The following ITGA4 variants were observed in gnomAD, a reference collection of about 807,000 sequenced individuals.
The protein encoded by ITGA4 is integrin alpha-4.
ITGA4 carries 63 observed loss-of-function variants against 133.6 expected under a neutral mutation model. The observed-to-expected ratio is 0.47, with a 90% CI of 0.38 to 0.58. The LOEUF is 0.58. ITGA4 is among the 20% of genes least tolerant of loss of function. The pLI is 0.00. For missense variants in ITGA4, 1,076 were observed against 1,252.7 expected (o/e 0.86, Z 2.13); for synonymous variants, 483 against 438.0 (o/e 1.10, Z -1.28).
chr2:181,495,506 C>T lies in ITGA4; in HGVS notation c.1385+90C>T, dbSNP rs1321320382. 1 of 924,776 alleles carries T rather than the reference C, an allele frequency of 1.1e-6. No individual in the cohort carries two copies. The highest frequency in any genetic ancestry group is 1.8e-6 in the Non-Finnish European group (1 of 561,218). The allele number at this position is 924,776 out of a possible 1,614,324, so 57.3% of individuals were successfully genotyped here. A position where few individuals can be genotyped will look rare whatever the true frequency, so the allele number is the denominator to read the frequency against. On this transcript the variant is annotated intron_variant, in intron 13 of 27. Coordinates refer to ENST00000397033, the MANE Select transcript of ITGA4 (RefSeq NM_000885.6). This position sits in a 1 kb window ranked among gnomAD's most constrained non-coding sequence, Gnocchi z 4.3. ...TGTTTAAAATCAGCAGTGGTAGTGA[C>T]CTCATGATGCTCTTTTGGTATTCTG...
chr2:181,514,039 C>A (rs1686558258), intron 17 of ITGA4, among the ~76,000 whole-genome samples: 1 of 152,048 alleles, frequency 6.6e-6, no homozygotes, highest in African/African-American at 2.4e-5. Context: ...GGAACAAGAT[C>A]CCAAAAGGGA....
chr2:181,522,897 T>G (rs1686749774), intron 18 of ITGA4, among the ~76,000 whole-genome samples: 1 of 152,212 alleles, frequency 6.6e-6, no homozygotes, highest in Non-Finnish European at 1.5e-5. Flanking sequence ...ACAGTATTTT[T>G]AAAGCATTTT....
Position 181,468,375 on chromosome 2 carries a change from T to C in ITGA4, c.320-6585T>C, listed in dbSNP as rs182670078. The stretch of plus-strand genomic sequence containing the variant: ...TGAGAGTTTGGTGATAATTATGCAG[T>C]AGTACATTCTAGTAAAGGATTTTTT... On this transcript the variant is annotated intron_variant, in intron 2 of 27. Transcript: ENST00000397033. Among the ~76,000 whole-genome samples, 185 of 152,320 alleles carry C rather than the reference T, an allele frequency of 1.2e-3. No individual in the cohort carries two copies. In the East Asian group the frequency reaches 0.03, roughly 25 times the overall value.
chr2:181,496,575 C>A (rs943592079), intron 14 of ITGA4, among the ~76,000 whole-genome samples: 5 of 152,200 alleles, frequency 3.3e-5, no homozygotes, highest in Non-Finnish European at 7.3e-5. Context: ...AGGCAACTCT[C>A]AATTATCTGC....
intron 2 of ITGA4, among the ~76,000 whole-genome samples, chr2:181,470,517 G>A (rs1685522887): frequency 1.3e-5 from 2 of 152,134 alleles, no homozygotes; most frequent in African/African-American, 2.4e-5. Flanking sequence ...GAGCCTCTAA[G>A]AGTGGGGCCC....
Position 181,536,550 on chromosome 2 carries a change from A to AGTATAAGTGTTTACAC in ITGA4, c.*1034_*1035insTACACGTATAAGTGTT. 6.1e-6 allele frequency: 1 copy of AGTATAAGTGTTTACAC among 164,374 alleles called. No homozygotes were observed. Among genetic ancestry groups the AGTATAAGTGTTTACAC allele is most frequent in the Non-Finnish European group, 1.3e-5 (1 of 75,636 alleles). 10.2% of individuals were successfully genotyped at this position (164,374 alleles called of 1,614,324 possible). A position where few individuals can be genotyped will look rare whatever the true frequency, so the allele number is the denominator to read the frequency against. On this transcript the variant is annotated 3_prime_UTR_variant, in exon 28 of 28. Transcript: ENST00000397033. Reference sequence around the variant, plus strand: ...ATGTAATTCTTTGTTACCCTTTACAAGTATAAGTGTTACCTTACATGGAAA... The same window carrying AGTATAAGTGTTTACAC: ...ATGTAATTCTTTGTTACCCTTTACAAGTATAAGTGTTTACACGTATAAGTGTTACCTTACATGGAAA...
At chr2:181,464,116 C>T (rs1022466273) in intron 2 of ITGA4, among the ~76,000 whole-genome samples, 1 of 151,788 alleles carries the variant, frequency 6.6e-6, no homozygotes, top group Non-Finnish European at 1.5e-5. Context: ...AGGGTGAAGC[C>T]AAAGAGGTAG....
Position 181,457,724 on chromosome 2 carries a change from C to A in ITGA4, c.70C>A (p.Leu24Met). ...CGTCCGGGAGACGGTGATGCTGTTG[C>A]TGTGCCTGGGGGTCCCGACCGGCCG... ...AAVRETVMLL[L>M]CLGVPTGRPY... The change falls in exon 1 of 28, where the codon CTG (leucine) becomes ATG (methionine). Residue 24 changes from leucine to methionine, a missense_variant. Leu to Met is a conservative substitution (Grantham distance 15). Coordinates refer to ENST00000397033, the MANE Select transcript of ITGA4 (RefSeq NM_000885.6). 2 of 1,612,856 alleles carry A rather than the reference C, an allele frequency of 1.2e-6. No individual in the cohort carries two copies. The highest frequency in any genetic ancestry group is 1.7e-6 in the Non-Finnish European group (2 of 1,179,764).
rs774641799 is a variant in ITGA4 at position 181,458,334 on chromosome 2, A to AC, written c.319+19dup. The stretch of plus-strand genomic sequence containing the variant: ...TCCAGCTGGGTGAGTTGGGTATGGG[A>AC]CCAGGAGTTAGTGACCTCCCGACCC... On this transcript the variant is annotated intron_variant, in intron 2 of 27. Transcript: ENST00000397033. The AC allele has an allele frequency of 1.9e-6, 3 of 1,606,918 alleles. No homozygotes were observed. Among genetic ancestry groups the AC allele is most frequent in the East Asian group, 2.2e-5 (1 of 44,642 alleles).
At chr2:181,483,282 A>G (rs922921741) in intron 9 of ITGA4, among the ~76,000 whole-genome samples, 5 of 152,230 alleles carry the variant, frequency 3.3e-5, no homozygotes, top group Non-Finnish European at 5.9e-5. Context: ...TGACCACTTG[A>G]TAATTCAAAG....
intron 2 of ITGA4, among the ~76,000 whole-genome samples, chr2:181,464,211 G>C (rs575259804): frequency 3.3e-5 from 5 of 152,240 alleles, no homozygotes; most frequent in African/African-American, 1.2e-4. Context: ...CAGTAGTAAA[G>C]GTTGCCAAGA....
At chr2:181,472,518 A>G (rs1685579048) in intron 2 of ITGA4, among the ~76,000 whole-genome samples, 1 of 152,202 alleles carries the variant, frequency 6.6e-6, no homozygotes, top group African/African-American at 2.4e-5. Flanking sequence ...ATAAATTCAT[A>G]AAAATTTTAG....
At chr2:181,500,351 C>T (rs536396836) in intron 15 of ITGA4, among the ~76,000 whole-genome samples, 7 of 152,136 alleles carry the variant, frequency 4.6e-5, no homozygotes, top group Non-Finnish European at 7.3e-5. Context: ...GGAGCTGTAG[C>T]TGTTACTTAA....
At chr2:181,471,545 C>CT (rs1685551195) in intron 2 of ITGA4, among the ~76,000 whole-genome samples, 1 of 152,136 alleles carries the variant, frequency 6.6e-6, no homozygotes, top group Non-Finnish European at 1.5e-5. Flanking sequence ...CTTTCAGTAT[C>CT]TAAGAGTGGA....
chr2:181,502,169 A>G (rs1686287249), intron 15 of ITGA4, among the ~76,000 whole-genome samples: 3 of 152,082 alleles, frequency 2.0e-5, no homozygotes, highest in Admixed American at 2.0e-4. Context: ...TGAAAACTCA[A>G]CATTGGATTT....
rs201627201 is a variant in ITGA4, at chr2:181,537,340, A to G, written c.*1813A>G. The G allele has an allele frequency of 1.1e-4, 50 of 453,890 alleles. No homozygotes were observed. The highest frequency in any genetic ancestry group is 7.4e-4 in the South Asian group (48 of 64,478). 28.1% of individuals were successfully genotyped at this position (453,890 alleles called of 1,614,324 possible). ...GAAAGCAGAGTACTATGGTTGTCCA[A>G]CACAGGCCTCTCAGATACAAGGGGA... On this transcript the variant is annotated 3_prime_UTR_variant, in exon 28 of 28. Transcript: ENST00000397033.
rs1243439086 is a variant in ITGA4 at position 181,523,553 on chromosome 2, G to A, written c.2169+21G>A. The A allele has an allele frequency of 1.5e-6, 2 of 1,295,314 alleles. No individual in the cohort carries two copies. Among genetic ancestry groups the A allele is most frequent in the African/African-American group, 2.9e-5 (2 of 68,608 alleles). 80.2% of individuals were successfully genotyped at this position (1,295,314 alleles called of 1,614,324 possible). On this transcript the variant is annotated intron_variant, in intron 19 of 27. Coordinates refer to ENST00000397033, the MANE Select transcript of ITGA4 (RefSeq NM_000885.6). The surrounding 1 kb of genome is among the most constrained non-coding windows in gnomAD (Gnocchi z 4.2). ...CAAGGGTAAGTGTTTCATATTTATG[G>A]CTTTTGTTCACTATCATGAATATTT... is the stretch of plus-strand genomic sequence containing the variant.
intron 15 of ITGA4, among the ~76,000 whole-genome samples, chr2:181,502,672 A>G (rs1361007389): frequency 6.6e-6 from 1 of 152,064 alleles, no homozygotes; most frequent in Non-Finnish European, 1.5e-5. Context: ...GGGATGGAGG[A>G]AGTGGCATTT....
In ITGA4 at chr2:181,509,654, T is replaced by C. The variant is rs778627245; in HGVS notation, c.1696-4T>C. The C allele has an allele frequency of 7.6e-6, 12 of 1,571,276 alleles. 1 individual carries two copies. Among genetic ancestry groups the C allele is most frequent in the South Asian group, 6.1e-5 (5 of 81,792 alleles). On this transcript the variant is annotated splice_region_variant and splice_polypyrimidine_tract_variant and intron_variant, in intron 15 of 27. Coordinates refer to ENST00000397033, the MANE Select transcript of ITGA4 (RefSeq NM_000885.6). ...TTAATTCATATGGTGGTTATTTTCC[T>C]TAGAAAGATGTGCGGGACATCCTCA...
Sources: allele counts gnomAD v4.1 joint callset (sites outside exome capture counted in the v4.1 genomes callset), GRCh38; gene constraint gnomAD v4.1.1; non-coding constraint Gnocchi (gnomAD v3.1); transcripts MANE v1.5; gene names NCBI Gene and HGNC (gene_info 2026-07-23, HGNC 2026-07-21).